NOC3L: variants seen among roughly 807,000 people sequenced by gnomAD.
NOC3L encodes the protein nucleolar complex protein 3 homolog.
Under a neutral mutation model 102.5 loss-of-function variants are expected in NOC3L, and 85 were observed. The ratio of observed to expected loss-of-function variants is 0.83; its 90% CI spans 0.70 to 0.99. The LOEUF is 0.99. NOC3L is among the 50% of genes least tolerant of loss of function. The pLI is 0.00. For synonymous variants in NOC3L, 303 were observed against 309.4 expected, an observed-to-expected ratio of 0.98 and a Z score of 0.22; for missense variants, 878 against 914.9, an observed-to-expected ratio of 0.96 and a Z score of 0.52.
In NOC3L at chr10:94,340,285, A is replaced by G; in HGVS notation, c.1771T>C (p.Leu591=). ...YTHLYKTLFK[L]HAGATNEGVE... is the part of the protein sequence containing the mutation. ...ATCTAAACATACATACCTGCATGTA[A>G]TTTGAACAGTGTTTTGTAGAGATGT... The change falls in exon 16 of 21, where the codon TTA becomes CTA. Residue 591 remains leucine (L), a synonymous_variant. Coordinates refer to ENST00000371361, the MANE Select transcript of NOC3L (RefSeq NM_022451.11). The G allele has an allele frequency of 6.2e-7, 1 of 1,609,568 alleles. No homozygotes were observed. Among genetic ancestry groups the G allele is most frequent in the Non-Finnish European group, 8.5e-7 (1 of 1,177,048 alleles).
the NOC3L span, chr10:94,324,401 G>A: frequency 6.2e-7 from 1 of 1,614,144 alleles, no homozygotes; most frequent in Non-Finnish European, 8.5e-7. Context: ...CCCAATCCAA[G>A]CGACTATGTG....
chr10:94,339,131 G>A (rs1324135590), intron 17 of NOC3L, among the ~76,000 whole-genome samples: 1 of 152,134 alleles, frequency 6.6e-6, no homozygotes, highest in Non-Finnish European at 1.5e-5. Context: ...AAACCAGACT[G>A]CCTACATTTG....
chr10:94,344,771 C>T, intron 12 of NOC3L, 82 bp downstream of exon 12: 1 of 1,192,682 alleles, frequency 8.4e-7, no homozygotes, highest in South Asian at 1.5e-5. Flanking sequence ...CAAAATTACA[C>T]AGCTACAAGC....
chr10:94,353,365 T>TA (rs1382809410), intron 6 of NOC3L, among the ~76,000 whole-genome samples: 1 of 152,222 alleles, frequency 6.6e-6, no homozygotes, highest in African/African-American at 2.4e-5. Context: ...TGCCTGCGTC[T>TA]ACTCCTGGTG....
chr10:94,331,657 G>C (rs1386240868), downstream of NOC3L: 1 of 152,154 alleles, frequency 6.6e-6, no homozygotes, highest in Non-Finnish European at 1.5e-5. Flanking sequence ...AAAAAAGTTA[G>C]AGAGAAAAGG....
In NOC3L at chr10:94,357,247, T is replaced by C. The variant is rs1046934991; in HGVS notation, c.435A>G (p.Pro145=). 23 of 1,610,170 alleles carry C rather than the reference T, an allele frequency of 1.4e-5. No homozygotes were observed. The highest frequency in any genetic ancestry group is 2.0e-5 in the Non-Finnish European group (23 of 1,178,040). ...GAAGTAAATGAATCAGTTCCTTCTC[T>C]GGTGCAGTTTGCAGAGTTCTTGGTA... The part of the protein sequence containing the change: ...EKIPRTLQTA[P]EKELIHLLPI... Residue 145 remains proline, a synonymous_variant, in exon 4 of 21, where the codon CCA becomes CCG. Transcript: ENST00000371361.
the NOC3L span, chr10:94,315,600 C>T: frequency 2.8e-5 from 12 of 428,450 alleles, no homozygotes; most frequent in Admixed American, 2.8e-4. Context: ...GAAACCCTGT[C>T]TCCACTAAAA....
At chr10:94,360,259 T>C (rs1387005222) in intron 2 of NOC3L, among the ~76,000 whole-genome samples, 1 of 152,062 alleles carries the variant, frequency 6.6e-6, no homozygotes, top group Non-Finnish European at 1.5e-5. Context: ...GGGGTTGCAG[T>C]GAGCCGGGAT....
chr10:94,355,108 A>T lies in NOC3L; in HGVS notation c.566-15T>A. Reference sequence around the variant, plus strand: ...TTCAATGATCTCTAAAACAGATTAGATGTTCCCTTACATATTCCTCTGCTT... The same window carrying T: ...TTCAATGATCTCTAAAACAGATTAGTTGTTCCCTTACATATTCCTCTGCTT... On this transcript the variant is annotated splice_polypyrimidine_tract_variant and intron_variant, in intron 5 of 20. Coordinates refer to ENST00000371361, the MANE Select transcript of NOC3L (RefSeq NM_022451.11). 6.2e-7 allele frequency: 1 copy of T among 1,601,514 alleles called. No homozygotes were observed. Among genetic ancestry groups the T allele is most frequent in the Non-Finnish European group, 8.5e-7 (1 of 1,172,764 alleles).
At chr10:94,346,094 T>C (rs930656100) in intron 11 of NOC3L, among the ~76,000 whole-genome samples, 5 of 152,206 alleles carry the variant, frequency 3.3e-5, no homozygotes, top group African/African-American at 1.2e-4. Context: ...GAAACTCACT[T>C]TGCTGCCAAC....
At chr10:94,318,244 T>TAATC in the NOC3L span, among the ~76,000 whole-genome samples, 1 of 152,210 alleles carries the variant, frequency 6.6e-6, no homozygotes, top group African/African-American at 2.4e-5. Context: ...ACCCTAATAA[T>TAATC]AATCACTTTA....
At position 94,358,101 on chromosome 10, in the gene NOC3L, G is replaced by T; in HGVS notation, c.332C>A (p.Thr111Lys). Reference protein sequence around the residue: ...KDLGQRVSFLTRDLSSSEPVH... With the variant: ...KDLGQRVSFLKRDLSSSEPVH... ...GTATTACCTAGAAGAAAGATCTCTT[G>T]TTAGAAAAGATACTCTTTGTCCTAA... The change falls in exon 3 of 21, where the codon ACA (threonine) becomes AAA (lysine). Residue 111 changes from threonine (T) to lysine (K), a missense_variant. Coordinates refer to ENST00000371361, the MANE Select transcript of NOC3L (RefSeq NM_022451.11). The T allele has an allele frequency of 6.3e-7, 1 of 1,596,098 alleles. No individual in the cohort carries two copies. Among genetic ancestry groups the T allele is most frequent in the Non-Finnish European group, 8.6e-7 (1 of 1,164,142 alleles).
chr10:94,327,906 C>T, the NOC3L span: 20 of 495,684 alleles, frequency 4.0e-5, no homozygotes, highest in East Asian at 1.0e-3. Flanking sequence ...CTTGGTATAC[C>T]GCAAGTGTTT....
In NOC3L at chr10:94,346,483, G is replaced by C. The variant is rs11187895; in HGVS notation, c.1331C>G (p.Pro444Arg). ...TTCTTTGAAAGTCATAAATTTTTTT[G>C]GTTTATTAATGTCTTCTGTATCTTT... is the stretch of plus-strand genomic sequence containing the variant. ...VKKDTEDINK[P>R]KKFMTFKEKR... The change falls in exon 11 of 21, where the codon CCA becomes CGA. Residue 444 changes from proline (P) to arginine (R), a missense_variant. Pro to Arg is a moderately radical substitution (Grantham distance 103, BLOSUM62 -2). Transcript: ENST00000371361. 108,585 of 1,492,456 alleles carry C rather than the reference G, an allele frequency of 0.073. 4,813 individuals carry two copies. The highest frequency in any genetic ancestry group is 0.18 in the East Asian group (6,898 of 38,246). The allele number at this position is 1,492,456 out of a possible 1,614,324, so 92.5% of individuals were successfully genotyped here.
At chr10:94,359,328 A>G (rs1340207945) in intron 2 of NOC3L, among the ~76,000 whole-genome samples, 1 of 152,212 alleles carries the variant, frequency 6.6e-6, no homozygotes, top group Non-Finnish European at 1.5e-5. Flanking sequence ...TGGGAAGCTG[A>G]GGCAGGAGAA....
chr10:94,359,246 G>A (rs1341152491), intron 2 of NOC3L, among the ~76,000 whole-genome samples: 1 of 152,142 alleles, frequency 6.6e-6, no homozygotes, highest in Non-Finnish European at 1.5e-5. Flanking sequence ...CCAACATGGT[G>A]AAACCCCATC....
chr10:94,319,864 C>CTTTTTTTTTTTTTTTTTTTTTTTTTT, the NOC3L span, among the ~76,000 whole-genome samples: 1 of 92,938 alleles, frequency 1.1e-5, no homozygotes, highest in Non-Finnish European at 2.2e-5. Context: ...CAAAGGTGCT[C>CTTTTTTTTTTTTTTTTTTTTTTTTTT]TTTTTTTTTT....
downstream of NOC3L, chr10:94,332,548 T>TGTGTGTGTGTGTGTGTG: frequency 7.0e-6 from 1 of 143,814 alleles, no homozygotes; most frequent in African/African-American, 2.6e-5. Context: ...TGTGTGTGTG[T>TGTGTGTGTGTGTGTGTG]TTAAACATAA....
intron 9 of NOC3L, among the ~76,000 whole-genome samples, 193 bp downstream of exon 9, chr10:94,349,920 T>C (rs2054394688): frequency 6.6e-6 from 1 of 151,800 alleles, no homozygotes; most frequent in Non-Finnish European, 1.5e-5. Flanking sequence ...CACCACGCCC[T>C]GCTAATTTTT....
Sources: allele counts gnomAD v4.1 joint callset (sites outside exome capture counted in the v4.1 genomes callset), GRCh38; gene constraint gnomAD v4.1.1; transcripts MANE v1.5; gene names NCBI Gene and HGNC (gene_info 2026-07-23, HGNC 2026-07-21).